The following MGAT5 variants were observed in gnomAD, a reference collection of about 807,000 sequenced individuals.
The protein encoded by MGAT5 is alpha-1,6-mannosylglycoprotein 6-beta-N-acetylglucosaminyltransferase A.
MGAT5 carries 30 observed loss-of-function variants against 94.3 expected under a neutral mutation model. The observed-to-expected ratio is 0.32, with a 90% CI of 0.24 to 0.43. The LOEUF (loss-of-function observed/expected upper bound fraction) is 0.43. MGAT5 is among the 20% of genes least tolerant of loss of function. MGAT5 has a pLI of 1.00. For synonymous variants in MGAT5, 310 were observed against 322.9 expected, an observed-to-expected ratio of 0.96 and a Z score of 0.43; for missense variants, 691 against 905.5, an observed-to-expected ratio of 0.76 and a Z score of 3.04.
intron 1 of MGAT5, among the ~76,000 whole-genome samples, chr2:134,243,526 T>G (rs1166169838): frequency 3.3e-5 from 5 of 152,206 alleles, no homozygotes; most frequent in Non-Finnish European, 5.9e-5. Context: ...ACCAATGATT[T>G]CTTCCCTAAG....
At chr2:134,151,238 G>A (rs562406060) in intron 1 of MGAT5, among the ~76,000 whole-genome samples, 10 of 129,462 alleles carry the variant, frequency 7.7e-5, no homozygotes, top group African/African-American at 2.3e-4. Flanking sequence ...CCTCACTCAC[G>A]CCCTATGGGA....
At chr2:134,159,225 G>GTGTGTGTGT (rs57314302) in intron 1 of MGAT5, among the ~76,000 whole-genome samples, 3 of 150,214 alleles carry the variant, frequency 2.0e-5, no homozygotes, top group African/African-American at 2.5e-5. Flanking sequence ...GTGTGTGTGT[G>GTGTGTGTGT]GTCCCTGTAT....
At chr2:134,405,500 A>G (rs1471557914) in intron 11 of MGAT5, among the ~76,000 whole-genome samples, 1 of 152,240 alleles carries the variant, frequency 6.6e-6, no homozygotes, top group African/African-American at 2.4e-5. Context: ...AAATAATGAC[A>G]TGAAAGACCA....
At chr2:134,404,007 T>G (rs1253472393) in intron 11 of MGAT5, among the ~76,000 whole-genome samples, 1 of 152,246 alleles carries the variant, frequency 6.6e-6, no homozygotes, top group Non-Finnish European at 1.5e-5. Flanking sequence ...GTTCGGGAAC[T>G]TGTGAAGAAA....
intron 4 of MGAT5, among the ~76,000 whole-genome samples, chr2:134,327,793 C>T (rs1280813652): frequency 1.3e-5 from 2 of 152,028 alleles, no homozygotes; most frequent in South Asian, 2.1e-4. Flanking sequence ...ATGGAATGAG[C>T]CAATTGTATT....
chr2:134,253,683 A>C (rs914871413), upstream of MGAT5, among the ~76,000 whole-genome samples: 1 of 152,176 alleles, frequency 6.6e-6, no homozygotes, highest in African/African-American at 2.4e-5. Context: ...TGGTGCACCT[A>C]GAGAGGTTGC....
chr2:134,265,416 T>A (rs1439929485), intron 1 of MGAT5, among the ~76,000 whole-genome samples: 1 of 152,194 alleles, frequency 6.6e-6, no homozygotes, highest in African/African-American at 2.4e-5. Flanking sequence ...TCCAATCACT[T>A]CTTACCCATC....
At position 134,446,134 on chromosome 2, in the gene MGAT5, G is replaced by A. The variant is rs1036683535; in HGVS notation, c.2028-2515G>A. Among the ~76,000 whole-genome samples, 8 of 152,018 alleles carry A rather than the reference G, an allele frequency of 5.3e-5. No homozygotes were observed. The East Asian group carries it at 5.8e-4, about 11-fold the overall frequency. On this transcript the variant is annotated intron_variant, in intron 15 of 15. Transcript: ENST00000281923. ...GGTCTCACCTGTGGCCTGGTGAAGC[G>A]TCTGCTGCTTGAGCACTCTGCGGCG...
At chr2:134,307,414 C>T (rs1421118310) in intron 2 of MGAT5, among the ~76,000 whole-genome samples, 1 of 152,066 alleles carries the variant, frequency 6.6e-6, no homozygotes, top group Non-Finnish European at 1.5e-5. Flanking sequence ...CTTTCATTCC[C>T]CTTTTCCTCT....
At chr2:134,408,916 A>G (rs972407306) in intron 11 of MGAT5, among the ~76,000 whole-genome samples, 2 of 152,238 alleles carry the variant, frequency 1.3e-5, no homozygotes, top group Admixed American at 1.3e-4. Flanking sequence ...GCTTAGCAAT[A>G]GCATGTGACT....
intron 1 of MGAT5, among the ~76,000 whole-genome samples, chr2:134,145,547 A>T (rs1398240548): frequency 2.0e-5 from 3 of 152,234 alleles, no homozygotes; most frequent in African/African-American, 7.2e-5. Context: ...CTCCGTCTCA[A>T]AAAAAGAGAA....
chr2:134,330,273 A>T (rs955123794), intron 4 of MGAT5, among the ~76,000 whole-genome samples: 6 of 152,152 alleles, frequency 3.9e-5, no homozygotes, highest in Admixed American at 6.6e-5. Flanking sequence ...TTAAAATTAC[A>T]TGCCTAGTTA....
At chr2:134,362,518 C>G in intron 10 of MGAT5, 110 bp downstream of exon 10, 1 of 1,314,412 alleles carries the variant, frequency 7.6e-7, no homozygotes, top group African/African-American at 1.5e-5. Context: ...TTAATGGGAT[C>G]TACTTAGACA....
intron 10 of MGAT5, among the ~76,000 whole-genome samples, chr2:134,400,321 C>T (rs1014410159): frequency 1.3e-5 from 2 of 152,188 alleles, no homozygotes; most frequent in Non-Finnish European, 2.9e-5. Flanking sequence ...ACATCAATGT[C>T]AAAGGCTAAA....
intron 1 of MGAT5, among the ~76,000 whole-genome samples, chr2:134,130,277 CT>C: frequency 1.2e-5 from 1 of 85,540 alleles, no homozygotes; most frequent in African/African-American, 4.5e-5. Flanking sequence ...GCCCCACACC[CT>C]GGCGGTGGGC....
chr2:134,217,896 T>A (rs1227317653), intron 1 of MGAT5, among the ~76,000 whole-genome samples: 1 of 152,194 alleles, frequency 6.6e-6, no homozygotes, highest in African/African-American at 2.4e-5. Flanking sequence ...GCCCTTTCCT[T>A]AAAGGATTTG....
intron 2 of MGAT5, among the ~76,000 whole-genome samples, chr2:134,286,330 T>C (rs1685000257): frequency 6.6e-6 from 1 of 152,228 alleles, no homozygotes; most frequent in South Asian, 2.1e-4. Context: ...GCTGGGTCTT[T>C]TATTTCTTAG....
At chr2:134,221,779 G>A (rs1429363585) in intron 1 of MGAT5, among the ~76,000 whole-genome samples, 1 of 152,230 alleles carries the variant, frequency 6.6e-6, no homozygotes, top group Non-Finnish European at 1.5e-5. Context: ...AGGGACAAAC[G>A]CAGAAAAGGT....
At chr2:134,181,866 C>G (rs995977129) in intron 1 of MGAT5, among the ~76,000 whole-genome samples, 2 of 152,230 alleles carry the variant, frequency 1.3e-5, no homozygotes, top group African/African-American at 4.8e-5. Context: ...CCTCTAGGTG[C>G]AGTTCACATC....
Sources: gnomAD v4.1 joint callset for allele counts (sites outside exome capture counted in the v4.1 genomes callset) on GRCh38, gnomAD v4.1.1 for gene constraint, MANE v1.5 for transcripts, NCBI Gene and HGNC (gene_info 2026-07-23, HGNC 2026-07-21) for gene names.